Variants in EXOC4 observed in about 807,000 individuals in gnomAD.
EXOC4 encodes SEC8-like 1.
In EXOC4, 71 loss-of-function variants were observed where a neutral mutation model predicts 107.2. That is an observed-to-expected ratio of 0.66 (90% CI 0.55 to 0.81). The LOEUF (loss-of-function observed/expected upper bound fraction) is 0.81, where lower values mean the gene tolerates loss of function less well. Among genes scored for constraint, EXOC4 ranks in the 30% least tolerant of loss-of-function variants. The probability of loss-of-function intolerance (pLI) is 0.00; values close to 1 mark genes in which losing one functional copy is unlikely to be tolerated. For missense variants in EXOC4, 1,108 were observed against 1,189.6 expected, an observed-to-expected ratio of 0.93 and a Z score of 1.01; for synonymous variants, 456 against 441.2, an observed-to-expected ratio of 1.03 and a Z score of -0.42.
intron 11 of EXOC4, among the ~76,000 whole-genome samples, chr7:133,843,783 A>G (rs1030371293): frequency 5.9e-5 from 9 of 152,106 alleles, no homozygotes; most frequent in African/African-American, 2.2e-4. Flanking sequence ...ATTCAGTATG[A>G]TGTTGGCTGT....
At chr7:133,563,959 A>G (rs1299383477) in intron 9 of EXOC4, among the ~76,000 whole-genome samples, 4 of 152,210 alleles carry the variant, frequency 2.6e-5, no homozygotes, top group Non-Finnish European at 5.9e-5. Flanking sequence ...GAAGTCTTTA[A>G]AGATAAAGGA....
chr7:133,818,130 T>C (rs913468314), intron 11 of EXOC4, among the ~76,000 whole-genome samples: 7 of 152,206 alleles, frequency 4.6e-5, no homozygotes, highest in Non-Finnish European at 8.8e-5. Context: ...GTAGATTTTT[T>C]GATTAATAGG....
At chr7:133,821,870 T>C (rs1251325181) in intron 11 of EXOC4, among the ~76,000 whole-genome samples, 1 of 152,170 alleles carries the variant, frequency 6.6e-6, no homozygotes, top group African/African-American at 2.4e-5. Context: ...AATGGATGAA[T>C]GAATGAGTGA....
intron 9 of EXOC4, among the ~76,000 whole-genome samples, chr7:133,512,167 C>T (rs1488621015): frequency 4.6e-5 from 7 of 152,174 alleles, no homozygotes; most frequent in African/African-American, 9.7e-5. Context: ...TGGTGGCTCA[C>T]GCCTGTAATC....
intron 7 of EXOC4, among the ~76,000 whole-genome samples, chr7:133,397,679 T>A (rs777537516): frequency 6.6e-6 from 1 of 152,166 alleles, no homozygotes; most frequent in Non-Finnish European, 1.5e-5. Context: ...TTTGTGATTT[T>A]TTTCCTCTGT....
chr7:133,854,157 G>A (rs2116277788), intron 11 of EXOC4, among the ~76,000 whole-genome samples: 1 of 152,194 alleles, frequency 6.6e-6, no homozygotes, highest in South Asian at 2.1e-4. Flanking sequence ...TGTGGGGAGA[G>A]GCCTTATAAT....
intron 7 of EXOC4, among the ~76,000 whole-genome samples, chr7:133,397,436 T>C (rs543226292): frequency 6.6e-6 from 1 of 152,046 alleles, no homozygotes; most frequent in East Asian, 1.9e-4. Flanking sequence ...GCCCGGCTCA[T>C]TTGGTTTTCT....
intron 1 of EXOC4, among the ~76,000 whole-genome samples, chr7:133,266,963 T>G (rs572032756): frequency 2.6e-5 from 4 of 152,180 alleles, no homozygotes; most frequent in Non-Finnish European, 4.4e-5. Flanking sequence ...GAAGCTCAGA[T>G]TTAGTTTGGG....
intron 10 of EXOC4, among the ~76,000 whole-genome samples, chr7:133,659,035 T>A (rs1458519640): frequency 7.5e-6 from 1 of 132,470 alleles, no homozygotes; most frequent in Non-Finnish European, 1.6e-5. Flanking sequence ...TTTTTGTGGT[T>A]CATATAAATG....
chr7:133,599,422 A>G (rs1801755314), intron 9 of EXOC4, among the ~76,000 whole-genome samples: 1 of 152,076 alleles, frequency 6.6e-6, no homozygotes, highest in Non-Finnish European at 1.5e-5. Context: ...GTATTTCTCT[A>G]CTTCTTTCAC....
At position 133,624,058 on chromosome 7, in the gene EXOC4, T is replaced by C. The variant is rs911749330; in HGVS notation, c.1418-5987T>C. Among the ~76,000 whole-genome samples the C allele has an allele frequency of 3.3e-5, 5 of 152,284 alleles. No homozygotes were observed. In the South Asian group the frequency reaches 1.0e-3, roughly 32 times the overall value. ...CATATTTATTATACTGTATACTATT[T>C]CATAATCCTTAGAAAGTAGTTATGA... On this transcript the variant is annotated intron_variant, in intron 9 of 17. Transcript: ENST00000253861.
intron 10 of EXOC4, among the ~76,000 whole-genome samples, chr7:133,674,626 C>T (rs1163710383): frequency 1.3e-5 from 2 of 152,098 alleles, no homozygotes; most frequent in Non-Finnish European, 2.9e-5. Context: ...TGAATGTTTT[C>T]TGCATATTTA....
rs149056095 is a variant in EXOC4, at chr7:134,019,415, G to GTGATGATGA, written c.2687+11605_2687+11613dup. ...GGCCTATATTGGTGACTTTCTCTCA[G>GTGATGATGA]TGATGATGATGATGATGATGATGAT... On this transcript the variant is annotated intron_variant, in intron 17 of 17. Coordinates refer to ENST00000253861, the MANE Select transcript of EXOC4 (RefSeq NM_021807.4). Among the ~76,000 whole-genome samples the GTGATGATGA allele has an allele frequency of 2.0e-3, 302 of 148,750 alleles. 3 individuals are homozygous for GTGATGATGA. Among genetic ancestry groups the GTGATGATGA allele is most frequent in the South Asian group, 5.7e-3 (26 of 4,600 alleles).
chr7:134,048,839 C>A (rs1015865176), intron 17 of EXOC4, among the ~76,000 whole-genome samples: 16 of 152,040 alleles, frequency 1.1e-4, no homozygotes, highest in African/African-American at 3.9e-4. Context: ...TGTGAGGAAA[C>A]CTTCTAGAAG....
At chr7:133,455,035 A>C (rs1469850609) in intron 7 of EXOC4, among the ~76,000 whole-genome samples, 2 of 152,146 alleles carry the variant, frequency 1.3e-5, no homozygotes, top group East Asian at 3.9e-4. Context: ...GCAGTGAGTC[A>C]AGATTTTGCC....
At chr7:133,540,755 C>T (rs1268670520) in intron 9 of EXOC4, among the ~76,000 whole-genome samples, 1 of 152,114 alleles carries the variant, frequency 6.6e-6, no homozygotes, top group East Asian at 1.9e-4. Flanking sequence ...TAGACTTTGC[C>T]AGTTTTACTT....
At chr7:134,016,853 A>G (rs1014929044) in intron 17 of EXOC4, among the ~76,000 whole-genome samples, 1 of 152,212 alleles carries the variant, frequency 6.6e-6, no homozygotes, top group South Asian at 2.1e-4. Flanking sequence ...GGGATTAGCA[A>G]TGACATGCTG....
At chr7:133,547,692 T>C (rs2150938209) in intron 9 of EXOC4, among the ~76,000 whole-genome samples, 1 of 152,344 alleles carries the variant, frequency 6.6e-6, no homozygotes, top group South Asian at 2.1e-4. Flanking sequence ...AATCACTTTC[T>C]TTGCTTGACT....
chr7:133,621,288 A>G (rs2151006185), intron 9 of EXOC4, among the ~76,000 whole-genome samples: 1 of 152,248 alleles, frequency 6.6e-6, no homozygotes, highest in African/African-American at 2.4e-5. Context: ...TGTTTTCTAA[A>G]CCAAGAGACT....
Sources: gnomAD v4.1 joint callset for allele counts (sites outside exome capture counted in the v4.1 genomes callset) on GRCh38, gnomAD v4.1.1 for gene constraint, MANE v1.5 for transcripts, NCBI Gene and HGNC (gene_info 2026-07-23, HGNC 2026-07-21) for gene names.